The following KLHL29 variants were observed in gnomAD, a reference collection of about 807,000 sequenced individuals.
The protein encoded by KLHL29 is kelch like family member 29, also known as kelch-like protein 29.
Under a neutral mutation model 80.4 loss-of-function variants are expected in KLHL29, and 21 were observed. The observed-to-expected ratio is 0.26, with a 90% CI of 0.19 to 0.38. The LOEUF (loss-of-function observed/expected upper bound fraction) is 0.38, where lower values mean the gene tolerates loss of function less well. KLHL29 is among the 10% of genes least tolerant of loss of function. The pLI, the probability that KLHL29 is intolerant of heterozygous loss-of-function variation, is 1.00. For missense variants in KLHL29, 867 were observed against 1,223.9 expected (o/e 0.71, Z 4.35); for synonymous variants, 511 against 526.8 (o/e 0.97, Z 0.41).
chr2:23,454,583 T>G (rs900403199), intron 1 of KLHL29, among the ~76,000 whole-genome samples: 11 of 152,320 alleles, frequency 7.2e-5, no homozygotes, highest in African/African-American at 2.6e-4. Context: ...AAGATGAAGA[T>G]TATACATTTT....
rs1164075132 is a variant in KLHL29, at chr2:23,461,975, C to CTTTTTTTTTTTT, written c.-153-13585_-153-13584insTTTTTTTTTTTT. Reference sequence around the variant, plus strand: ...GTGCAAAAGTAATTGCGGTTTTTGCCATTTTTTTTTTTTTAATGACAAAAA... The same window carrying CTTTTTTTTTTTT: ...GTGCAAAAGTAATTGCGGTTTTTGCCTTTTTTTTTTTTATTTTTTTTTTTTTAATGACAAAAA... On this transcript the variant is annotated intron_variant, in intron 1 of 13. Coordinates refer to ENST00000486442, the MANE Select transcript of KLHL29 (RefSeq NM_052920.2). Among the ~76,000 whole-genome samples, 618 of 79,364 alleles carry CTTTTTTTTTTTT rather than the reference C, an allele frequency of 7.8e-3. 15 individuals carry two copies. Among genetic ancestry groups the CTTTTTTTTTTTT allele is most frequent in the African/African-American group, 0.026 (595 of 22,940 alleles). 52.1% of individuals were successfully genotyped at this position (79,364 alleles called of 152,430 possible). A position where few individuals can be genotyped will look rare whatever the true frequency, so the allele number is the denominator to read the frequency against.
chr2:23,577,783 C>T (rs1375871355), intron 3 of KLHL29, among the ~76,000 whole-genome samples: 7 of 151,720 alleles, frequency 4.6e-5, no homozygotes, highest in Admixed American at 6.6e-5. Flanking sequence ...ATCAGTAGGG[C>T]TTCCTGGCCA....
chr2:23,512,745 G>A (rs953447656), intron 2 of KLHL29, among the ~76,000 whole-genome samples: 1 of 152,216 alleles, frequency 6.6e-6, no homozygotes, highest in Non-Finnish European at 1.5e-5. Flanking sequence ...AGAGAGCTTC[G>A]CCTCCCAGAC....
Position 23,562,290 on chromosome 2 carries a change from A to G in KLHL29, c.94A>G (p.Ile32Val). The G allele has an allele frequency of 1.3e-6, 2 of 1,547,638 alleles. No homozygotes were observed. Among genetic ancestry groups the G allele is most frequent in the Non-Finnish European group, 1.7e-6 (2 of 1,144,928 alleles). The change falls in exon 3 of 14, where the codon ATC becomes GTC. Residue 32 changes from isoleucine (I) to valine (V), a missense_variant. By Grantham distance (29) the Ile-to-Val change is conservative (BLOSUM62 3). Transcript: ENST00000486442. This position sits in a 1 kb window ranked among gnomAD's most constrained non-coding sequence, Gnocchi z 4.5. ...SVNGTHGTTSICSVTSGAGGG... is the reference protein window; with the variant it reads ...SVNGTHGTTSVCSVTSGAGGG... ...CAACGGGACGCATGGGACCACCAGC[A>G]TCTGCAGTGTCACCTCGGGGGCCGG... is the stretch of plus-strand genomic sequence containing the variant.
At chr2:23,639,328 G>A (rs758418347) in intron 4 of KLHL29, 48 bp downstream of exon 4, 53 of 1,525,264 alleles carry the variant, frequency 3.5e-5, no homozygotes, top group African/African-American at 5.6e-5. Flanking sequence ...AGGGCTTGGC[G>A]GGAAGCTAGA....
chr2:23,483,943 C>T (rs1350069630), intron 2 of KLHL29, among the ~76,000 whole-genome samples: 2 of 152,194 alleles, frequency 1.3e-5, no homozygotes, highest in African/African-American at 4.8e-5. Context: ...CCTCCCACGA[C>T]CATTAGTGCA....
intron 1 of KLHL29, among the ~76,000 whole-genome samples, chr2:23,407,629 T>TA (rs574124569): frequency 2.0e-5 from 3 of 152,198 alleles, no homozygotes; most frequent in Non-Finnish European, 2.9e-5. Context: ...CATCAACGTT[T>TA]TTGTTGTTCA....
At position 23,684,395 on chromosome 2, in the gene KLHL29, G is replaced by A. The variant is rs1248885267; in HGVS notation, c.941-4G>A. ...TGGCCCTGTCTGTCTTCTCTGTTCTGCAGAAATGTTGAAGGAATTGAACCA... is the reference window on the plus strand; with the variant it reads ...TGGCCCTGTCTGTCTTCTCTGTTCTACAGAAATGTTGAAGGAATTGAACCA... On this transcript the variant is annotated splice_polypyrimidine_tract_variant and splice_region_variant and intron_variant, in intron 5 of 13. Transcript: ENST00000486442. The surrounding 1 kb of genome is among the most constrained non-coding windows in gnomAD (Gnocchi z 4.4). The A allele has an allele frequency of 1.3e-6, 2 of 1,521,372 alleles. No individual in the cohort carries two copies. Among genetic ancestry groups the A allele is most frequent in the African/African-American group, 1.4e-5 (1 of 71,874 alleles). The allele number at this position is 1,521,372 out of a possible 1,614,324, so 94.2% of individuals were successfully genotyped here. A position where few individuals can be genotyped will look rare whatever the true frequency, so the allele number is the denominator to read the frequency against.
At chr2:23,587,561 G>T (rs538008219) in intron 3 of KLHL29, among the ~76,000 whole-genome samples, 1 of 152,282 alleles carries the variant, frequency 6.6e-6, no homozygotes, top group Non-Finnish European at 1.5e-5. Flanking sequence ...ACAGTGCTTG[G>T]CGCCCATTTG....
At chr2:23,392,982 G>A (rs1247943996) in intron 1 of KLHL29, among the ~76,000 whole-genome samples, 1 of 152,236 alleles carries the variant, frequency 6.6e-6, no homozygotes, top group Non-Finnish European at 1.5e-5. Context: ...GAAGGCTAAT[G>A]AGAAAAACTT....
chr2:23,676,184 T>C (rs1343335472), intron 5 of KLHL29, among the ~76,000 whole-genome samples: 1 of 151,788 alleles, frequency 6.6e-6, no homozygotes, highest in Non-Finnish European at 1.5e-5. Flanking sequence ...GGATGGGTTT[T>C]TTGTTTTTTT....
At chr2:23,428,293 C>T (rs1663060937) in intron 1 of KLHL29, among the ~76,000 whole-genome samples, 1 of 152,184 alleles carries the variant, frequency 6.6e-6, no homozygotes. Context: ...TCCGCTGTCC[C>T]CCTGCATGTG....
intron 3 of KLHL29, among the ~76,000 whole-genome samples, chr2:23,636,246 G>A (rs551742074): frequency 3.3e-5 from 5 of 152,302 alleles, no homozygotes; most frequent in South Asian, 4.1e-4. Flanking sequence ...GGCACACCCC[G>A]TGTCCAGGTT....
At chr2:23,678,474 T>C (rs772051576) in intron 5 of KLHL29, among the ~76,000 whole-genome samples, 10 of 152,184 alleles carry the variant, frequency 6.6e-5, no homozygotes, top group Non-Finnish European at 1.5e-4. Flanking sequence ...TGTTGGAGCA[T>C]GAGAGACCAC....
At chr2:23,702,173 G>C (rs1261617415) in intron 11 of KLHL29, among the ~76,000 whole-genome samples, 1 of 151,980 alleles carries the variant, frequency 6.6e-6, no homozygotes, top group East Asian at 1.9e-4. Context: ...CATACTATGG[G>C]AGCACCTTGA....
chr2:23,505,992 G>A (rs990242172), intron 2 of KLHL29, among the ~76,000 whole-genome samples: 11 of 152,288 alleles, frequency 7.2e-5, no homozygotes, highest in Admixed American at 5.2e-4. Context: ...AGCCTCCCCC[G>A]ATCATGCAGC....
intron 1 of KLHL29, among the ~76,000 whole-genome samples, chr2:23,434,565 C>A (rs1386879538): frequency 6.6e-6 from 1 of 152,114 alleles, no homozygotes; most frequent in Admixed American, 6.5e-5. Context: ...AAACTTGGGC[C>A]TTGTAGACGG....
chr2:23,693,944 CAG>C (rs1398383420), intron 8 of KLHL29, among the ~76,000 whole-genome samples: 12 of 152,200 alleles, frequency 7.9e-5, no homozygotes, highest in Non-Finnish European at 1.5e-5. Flanking sequence ...GTTGGGTAAA[CAG>C]AGGATACAGA....
At chr2:23,422,486 CCT>C (rs1662846575) in intron 1 of KLHL29, among the ~76,000 whole-genome samples, 1 of 145,584 alleles carries the variant, frequency 6.9e-6, no homozygotes, top group South Asian at 2.2e-4. Flanking sequence ...GTTGTGTGTC[CCT>C]GTGTGTCTGC....
Sources: gnomAD v4.1 joint callset for allele counts (sites outside exome capture counted in the v4.1 genomes callset) on GRCh38, gnomAD v4.1.1 for gene constraint, Gnocchi (gnomAD v3.1) non-coding constraint, MANE v1.5 for transcripts, NCBI Gene and HGNC (gene_info 2026-07-23, HGNC 2026-07-21) for gene names.